SEMA4D: variants seen among roughly 807,000 people sequenced by gnomAD.
The protein encoded by SEMA4D is semaphorin-4D.
Under a neutral mutation model 74.8 loss-of-function variants are expected in SEMA4D, and 22 were observed. That is an observed-to-expected ratio of 0.29 (90% CI 0.21 to 0.42). The LOEUF (loss-of-function observed/expected upper bound fraction) is 0.42. Among genes scored for constraint, SEMA4D ranks in the 10% least tolerant of loss-of-function variants. SEMA4D has a pLI of 1.00. For synonymous variants in SEMA4D, 445 were observed against 463.7 expected (o/e 0.96, Z 0.52); for missense variants, 937 against 1,118.4 (o/e 0.84, Z 2.31).
At chr9:89,362,027 A>G in exon 19 of SEMA4D, 1 of 397,144 alleles carries the variant, frequency 2.5e-6, no homozygotes, top group Non-Finnish European at 4.7e-6. Context: ...GGGACGGTGT[A>G]GGATCAGCCT....
At chr9:89,461,700 C>CTCTTTTTTTTTTTTTTTTTTTT (rs71281350) in intron 1 of SEMA4D, among the ~76,000 whole-genome samples, 6 of 103,662 alleles carry the variant, frequency 5.8e-5, no homozygotes, top group Admixed American at 1.1e-4. Context: ...TCTTTTTTCT[C>CTCTTTTTTTTTTTTTTTTTTTT]TTTTTTTTTT....
chr9:89,429,303 T>C (rs1482723434), intron 2 of SEMA4D, among the ~76,000 whole-genome samples: 1 of 152,174 alleles, frequency 6.6e-6, no homozygotes, highest in African/African-American at 2.4e-5. Context: ...GCAGACGACA[T>C]CTAGGAGAGC....
chr9:89,364,208 G>A (rs1833218387), intron 16 of SEMA4D: 5 of 650,654 alleles, frequency 7.7e-6, no homozygotes, highest in Admixed American at 3.1e-5. Flanking sequence ...TGTGGCCTGT[G>A]TCCCCTAGGA....
chr9:89,396,226 G>T (rs1840930937), intron 6 of SEMA4D, among the ~76,000 whole-genome samples: 2 of 152,172 alleles, frequency 1.3e-5, no homozygotes, highest in South Asian at 4.1e-4. Flanking sequence ...GACCAGAAGG[G>T]TGGGTCCCAC....
intron 2 of SEMA4D, among the ~76,000 whole-genome samples, chr9:89,406,453 A>G (rs1033493239): frequency 2.6e-5 from 4 of 152,194 alleles, no homozygotes; most frequent in Admixed American, 2.0e-4. Context: ...GTGGTGGGAG[A>G]GGCATGCACA....
intron 2 of SEMA4D, among the ~76,000 whole-genome samples, chr9:89,439,717 C>T (rs886366163): frequency 6.6e-6 from 1 of 152,088 alleles, no homozygotes; most frequent in Non-Finnish European, 1.5e-5. Context: ...TGGCCGGACC[C>T]CAGAGTGCAC....
At chr9:89,384,038 C>T (rs78010411) in intron 13 of SEMA4D, among the ~76,000 whole-genome samples, 2 of 152,198 alleles carry the variant, frequency 1.3e-5, no homozygotes, top group East Asian at 1.9e-4. Flanking sequence ...CTTCCTTGCC[C>T]TCTGCCACGC....
chr9:89,457,049 A>G (rs533573573), intron 1 of SEMA4D, among the ~76,000 whole-genome samples: 2 of 152,346 alleles, frequency 1.3e-5, no homozygotes, highest in African/African-American at 4.8e-5. Flanking sequence ...CCCCTCCCAC[A>G]AGGCACAGAG....
chr9:89,374,117 G>C (rs564990234), downstream of SEMA4D, among the ~76,000 whole-genome samples: 3 of 152,354 alleles, frequency 2.0e-5, no homozygotes, highest in East Asian at 5.8e-4. Context: ...GAATGTCCCA[G>C]ATGGGGCCAA....
intron 2 of SEMA4D, among the ~76,000 whole-genome samples, chr9:89,441,836 AG>A (rs1851736599): frequency 6.6e-6 from 1 of 152,152 alleles, no homozygotes; most frequent in African/African-American, 2.4e-5. Context: ...TTCTGATCTA[AG>A]TGAAAGGGAA....
chr9:89,425,236 G>T (rs1847851307), intron 2 of SEMA4D, among the ~76,000 whole-genome samples: 1 of 152,132 alleles, frequency 6.6e-6, no homozygotes, highest in African/African-American at 2.4e-5. Flanking sequence ...TATGTCCTGA[G>T]TCCATCCTTG....
chr9:89,395,881 T>C (rs6559350), intron 6 of SEMA4D, among the ~76,000 whole-genome samples: 112,270 of 152,202 alleles, frequency 0.74, 41,544 homozygotes, highest in East Asian at 0.91. Flanking sequence ...TAGCAAATGA[T>C]GCTTTTCACT....
intron 2 of SEMA4D, among the ~76,000 whole-genome samples, chr9:89,453,500 T>C (rs1855135326): frequency 6.6e-6 from 1 of 152,242 alleles, no homozygotes; most frequent in Non-Finnish European, 1.5e-5. Context: ...CCTATGCTTC[T>C]AGGGGAAGCT....
intron 2 of SEMA4D, among the ~76,000 whole-genome samples, chr9:89,446,110 C>A (rs1852770913): frequency 6.6e-6 from 1 of 152,156 alleles, no homozygotes; most frequent in African/African-American, 2.4e-5. Flanking sequence ...ACACAGACAC[C>A]CAGAATAGCA....
intron 3 of SEMA4D, among the ~76,000 whole-genome samples, chr9:89,404,276 T>C (rs1842805607): frequency 6.6e-6 from 1 of 152,180 alleles, no homozygotes; most frequent in Non-Finnish European, 1.5e-5. Context: ...GAGCAGACGC[T>C]CAGTGGGGCG....
In SEMA4D at chr9:89,427,720, G is replaced by A. The variant is rs541264224; in HGVS notation, c.-243-22021C>T. Among the ~76,000 whole-genome samples, 5 of 152,312 alleles carry A rather than the reference G, an allele frequency of 3.3e-5. No homozygotes were observed. The East Asian group carries it at 5.8e-4, about 18-fold the overall frequency. Reference sequence around the variant, plus strand: ...CTACGGCCCTGCAAAGTCCCATCCCGGTGTCTGTCCTTCCAGCAAGCAGCC... The same window carrying A: ...CTACGGCCCTGCAAAGTCCCATCCCAGTGTCTGTCCTTCCAGCAAGCAGCC... On this transcript the variant is annotated intron_variant, in intron 2 of 15. Transcript: ENST00000422704.
chr9:89,494,174 A>G (rs1825831012), intron 1 of SEMA4D, among the ~76,000 whole-genome samples: 1 of 152,240 alleles, frequency 6.6e-6, no homozygotes. Flanking sequence ...TATATGACCT[A>G]ATGAAGACCA....
chr9:89,428,368 G>A (rs891056673), intron 2 of SEMA4D, among the ~76,000 whole-genome samples: 6 of 152,238 alleles, frequency 3.9e-5, no homozygotes, highest in Admixed American at 6.5e-5. Context: ...GAACTGGAAG[G>A]ACGAGGGCAA....
chr9:89,372,333 T>G (rs1588124223), downstream of SEMA4D, among the ~76,000 whole-genome samples: 2 of 68,258 alleles, frequency 2.9e-5, no homozygotes, highest in African/African-American at 6.1e-5. Context: ...GTCTGAGGTG[T>G]GTGTGGGGGG....
Sources: gnomAD v4.1 joint callset for allele counts (sites outside exome capture counted in the v4.1 genomes callset) on GRCh38, gnomAD v4.1.1 for gene constraint, MANE v1.5 for transcripts, NCBI Gene and HGNC (gene_info 2026-07-23, HGNC 2026-07-21) for gene names.